The following L3MBTL4 variants were observed in gnomAD, a reference collection of about 807,000 sequenced individuals.
L3MBTL4 encodes the protein lethal(3)malignant brain tumor-like protein 4.
A neutral mutation model predicts 84.5 loss-of-function variants in L3MBTL4; 70 were observed. The observed-to-expected ratio is 0.83, with a 90% confidence interval of 0.68 to 1.01. The LOEUF (loss-of-function observed/expected upper bound fraction) is 1.01, where lower values mean the gene tolerates loss of function less well. Among genes scored for constraint, L3MBTL4 ranks in the 50% least tolerant of loss-of-function variants. The pLI, the probability that L3MBTL4 is intolerant of heterozygous loss-of-function variation, is 0.00. For synonymous variants in L3MBTL4, 274 were observed against 259.8 expected, an observed-to-expected ratio of 1.05 and a Z score of -0.52; for missense variants, 715 against 754.8, an observed-to-expected ratio of 0.95 and a Z score of 0.62.
intron 16 of L3MBTL4, among the ~76,000 whole-genome samples, chr18:6,074,222 C>G (rs2057785589): frequency 6.6e-6 from 1 of 152,226 alleles, no homozygotes; most frequent in Non-Finnish European, 1.5e-5. Context: ...GAGGTAGGGT[C>G]AGCATTTCTA....
chr18:6,142,554 T>C (rs1038870593), intron 13 of L3MBTL4, among the ~76,000 whole-genome samples: 7 of 152,218 alleles, frequency 4.6e-5, no homozygotes, highest in Non-Finnish European at 1.0e-4. Flanking sequence ...AGCTACCCTA[T>C]TCAAAGCCAG....
At chr18:6,121,552 A>T (rs1303871071) in intron 14 of L3MBTL4, among the ~76,000 whole-genome samples, 2 of 152,154 alleles carry the variant, frequency 1.3e-5, no homozygotes, top group South Asian at 2.1e-4. Context: ...GCTGATTTGC[A>T]AGTTTCTTAT....
intron 3 of L3MBTL4, among the ~76,000 whole-genome samples, chr18:6,306,309 T>C (rs1385608870): frequency 1.3e-5 from 2 of 152,232 alleles, no homozygotes; most frequent in South Asian, 2.1e-4. Context: ...TCAGGGAGAA[T>C]GAAATACTTC....
chr18:6,369,613 A>C (rs2054075900), intron 1 of L3MBTL4, among the ~76,000 whole-genome samples: 1 of 152,118 alleles, frequency 6.6e-6, no homozygotes, highest in South Asian at 2.1e-4. Context: ...AGAGGAAATC[A>C]TGTTGCCCAG....
chr18:6,319,697 G>T (rs2051305210), intron 1 of L3MBTL4, among the ~76,000 whole-genome samples: 2 of 152,030 alleles, frequency 1.3e-5, no homozygotes, highest in Non-Finnish European at 2.9e-5. Context: ...AATTTTACCA[G>T]ACATTCAAAG....
At chr18:5,957,284 A>G in intron 18 of L3MBTL4, among the ~76,000 whole-genome samples, 1 of 152,048 alleles carries the variant, frequency 6.6e-6, no homozygotes, top group East Asian at 1.9e-4. Flanking sequence ...GTGGTAATGG[A>G]AAGAGTGAAT....
intron 14 of L3MBTL4, among the ~76,000 whole-genome samples, chr18:6,103,390 AT>A (rs796334339): frequency 2.2e-4 from 33 of 152,318 alleles, no homozygotes; most frequent in African/African-American, 7.9e-4. Flanking sequence ...TTTAATTGAA[AT>A]ATTCTAGTTT....
chr18:6,408,572 A>G (rs1369676345), intron 1 of L3MBTL4, among the ~76,000 whole-genome samples: 1 of 152,176 alleles, frequency 6.6e-6, no homozygotes, highest in Non-Finnish European at 1.5e-5. Flanking sequence ...TAAGATCCAC[A>G]GTTTGCTGCA....
intron 1 of L3MBTL4, among the ~76,000 whole-genome samples, chr18:6,404,539 T>C (rs1190710666): frequency 2.0e-5 from 3 of 152,194 alleles, no homozygotes; most frequent in Non-Finnish European, 2.9e-5. Context: ...AGTGCCATTC[T>C]ACAGAAGGAT....
chr18:6,342,620 C>CA (rs886330279), intron 1 of L3MBTL4, among the ~76,000 whole-genome samples: 8 of 149,454 alleles, frequency 5.4e-5, no homozygotes, highest in South Asian at 2.1e-4. Flanking sequence ...CATACTACCA[C>CA]AAAAAAAATC....
intron 14 of L3MBTL4, among the ~76,000 whole-genome samples, chr18:6,128,501 T>C (rs1469093121): frequency 1.3e-5 from 2 of 151,938 alleles, no homozygotes; most frequent in African/African-American, 4.8e-5. Context: ...AGTGACATGA[T>C]AGAGCGTGGG....
intron 17 of L3MBTL4, among the ~76,000 whole-genome samples, chr18:5,967,199 C>G (rs1260124672): frequency 1.3e-5 from 2 of 152,208 alleles, no homozygotes; most frequent in African/African-American, 4.8e-5. Flanking sequence ...ATCTCCCGGT[C>G]CTGGGTTACT....
chr18:6,118,993 C>CTTTTTTTTTTTTTTTTTT (rs779523685), intron 14 of L3MBTL4, among the ~76,000 whole-genome samples: 11 of 83,704 alleles, frequency 1.3e-4, no homozygotes, highest in East Asian at 4.1e-4. Context: ...TTTTTGGTTT[C>CTTTTTTTTTTTTTTTTTT]TTTTTTTTTT....
intron 1 of L3MBTL4, among the ~76,000 whole-genome samples, chr18:6,334,259 C>G (rs1232120377): frequency 6.6e-6 from 1 of 152,132 alleles, no homozygotes; most frequent in African/African-American, 2.4e-5. Flanking sequence ...TCTGATGATA[C>G]CATCACATGC....
At chr18:6,046,676 G>C (rs975719507) in intron 16 of L3MBTL4, 1 of 743,488 alleles carries the variant, frequency 1.3e-6, no homozygotes, top group Admixed American at 2.0e-5. Flanking sequence ...CAAAACTAAG[G>C]CAGAAGTAAA....
chr18:6,220,520 C>G (rs998786966), intron 10 of L3MBTL4, among the ~76,000 whole-genome samples: 1 of 151,920 alleles, frequency 6.6e-6, no homozygotes, highest in Admixed American at 6.5e-5. Context: ...TAATAGGGAG[C>G]CCCCCTCCCA....
intron 8 of L3MBTL4, among the ~76,000 whole-genome samples, chr18:6,240,983 T>C (rs1331011298): frequency 1.3e-5 from 2 of 152,210 alleles, no homozygotes; most frequent in East Asian, 3.8e-4. Flanking sequence ...CACTTAAATA[T>C]ATCTAGGCTG....
chr18:6,025,167 C>T (rs759863004), intron 16 of L3MBTL4: 3 of 152,166 alleles, frequency 2.0e-5, no homozygotes, highest in Non-Finnish European at 4.4e-5. Flanking sequence ...AGACATCATC[C>T]TGGAAAAATG....
chr18:6,230,680 A>G (rs1011153495), intron 10 of L3MBTL4, among the ~76,000 whole-genome samples: 1 of 152,150 alleles, frequency 6.6e-6, no homozygotes, highest in Non-Finnish European at 1.5e-5. Flanking sequence ...GCTTTCCACA[A>G]TGGCTGAACT....
Sources: gnomAD v4.1 joint callset for allele counts (sites outside exome capture counted in the v4.1 genomes callset) on GRCh38, gnomAD v4.1.1 for gene constraint, MANE v1.5 for transcripts, NCBI Gene and HGNC (gene_info 2026-07-23, HGNC 2026-07-21) for gene names.